CSMD1: variants seen among roughly 807,000 people sequenced by gnomAD.
The protein encoded by CSMD1 is CUB and sushi domain-containing protein 1.
A neutral mutation model predicts 417.5 loss-of-function variants in CSMD1; 213 were observed. The ratio of observed to expected loss-of-function variants is 0.51; its 90% CI spans 0.46 to 0.57. The LOEUF (loss-of-function observed/expected upper bound fraction) is 0.57, where lower values mean the gene tolerates loss of function less well. CSMD1 is among the 20% of genes least tolerant of loss of function. CSMD1 has a pLI of 0.00. For missense variants in CSMD1, 6,923 were observed against 4,529.7 expected, an observed-to-expected ratio of 1.53 and a Z score of -15.17; for synonymous variants, 2,862 against 1,736.8, an observed-to-expected ratio of 1.65 and a Z score of -16.11.
chr8:4,469,471 A>G (rs578221038), intron 2 of CSMD1, among the ~76,000 whole-genome samples: 3 of 152,194 alleles, frequency 2.0e-5, no homozygotes, highest in East Asian at 3.9e-4. Flanking sequence ...TAGAGAACCA[A>G]TTCAGATCAA....
Position 3,943,421 on chromosome 8 carries a change from A to AT in CSMD1, c.818+54481dup, listed in dbSNP as rs1563236976. ...ATGTCTTATAAGTTGTTTTTTTTTC[A>AT]TTAAAAAAAAAAAAACAGAATTCCA... On this transcript the variant is annotated intron_variant, in intron 5 of 69. Coordinates refer to ENST00000635120, the MANE Select transcript of CSMD1 (RefSeq NM_033225.6). Among the ~76,000 whole-genome samples, 6 of 51,036 alleles carry AT rather than the reference A, an allele frequency of 1.2e-4. No homozygotes were observed. The South Asian group carries it at 3.4e-3, about 29-fold the overall frequency. The allele number at this position is 51,036 out of a possible 152,430, so 33.5% of individuals were successfully genotyped here. A position where few individuals can be genotyped will look rare whatever the true frequency, so the allele number is the denominator to read the frequency against.
intron 1 of CSMD1, among the ~76,000 whole-genome samples, chr8:4,712,940 T>G (rs1383987582): frequency 6.6e-6 from 1 of 152,168 alleles, no homozygotes; most frequent in Non-Finnish European, 1.5e-5. Flanking sequence ...GTCTCGCAAT[T>G]AGAAAAAGGA....
intron 5 of CSMD1, among the ~76,000 whole-genome samples, chr8:3,833,248 G>A (rs988582989): frequency 4.6e-5 from 7 of 151,988 alleles, no homozygotes; most frequent in African/African-American, 7.2e-5. Flanking sequence ...TATTACACAT[G>A]TTGATAATAT....
intron 3 of CSMD1, among the ~76,000 whole-genome samples, chr8:4,273,995 C>A (rs1349115173): frequency 6.6e-6 from 1 of 152,082 alleles, no homozygotes; most frequent in Non-Finnish European, 1.5e-5. Flanking sequence ...TCAGTGATAA[C>A]CGCATGCATT....
At chr8:4,622,416 G>A (rs1801836085) in intron 2 of CSMD1, among the ~76,000 whole-genome samples, 1 of 152,008 alleles carries the variant, frequency 6.6e-6, no homozygotes, top group Non-Finnish European at 1.5e-5. Context: ...TACCCGATGG[G>A]GTGACAGCAA....
intron 1 of CSMD1, among the ~76,000 whole-genome samples, chr8:4,836,862 G>A (rs936644876): frequency 7.2e-5 from 11 of 152,018 alleles, no homozygotes; most frequent in African/African-American, 2.4e-4. Context: ...AAAGAAATGA[G>A]CCCAAAGCTT....
intron 3 of CSMD1, among the ~76,000 whole-genome samples, chr8:4,303,629 G>A (rs4557722): frequency 0.76 from 114,995 of 151,566 alleles, 43,677 homozygotes; most frequent in East Asian, 0.85. Context: ...TCTACCAGAG[G>A]TGACTGGGAA....
chr8:4,722,550 T>C lies in CSMD1; in HGVS notation c.86-84992A>G, dbSNP rs987753495. On this transcript the variant is annotated intron_variant, in intron 1 of 69. Transcript: ENST00000635120. ...GTATGCTCTGAATGGGGTAGAACTT[T>C]CCAAATGCATCAGATAGTTAGGAAT... 7.9e-5 allele frequency among the ~76,000 whole-genome samples: 12 copies of C among 152,100 alleles called. 1 individual carries two copies. Among genetic ancestry groups the C allele is most frequent in the Admixed American group, 5.2e-4 (8 of 15,254 alleles).
chr8:2,947,322 G>C (rs1382866299), intron 68 of CSMD1, among the ~76,000 whole-genome samples: 2 of 152,132 alleles, frequency 1.3e-5, no homozygotes, highest in South Asian at 2.1e-4. Flanking sequence ...CTACTGACTA[G>C]AGAAAATTAG....
Position 4,241,293 on chromosome 8 carries a change from T to A in CSMD1, c.415+178660A>T, listed in dbSNP as rs536778348. On this transcript the variant is annotated intron_variant, in intron 3 of 69. Coordinates refer to ENST00000635120, the MANE Select transcript of CSMD1 (RefSeq NM_033225.6). Reference sequence around the variant, plus strand: ...TAATCTCACCACAATTCATTCCCTTTACCTGCTGTAACCCCCTGGAACATA... The same window carrying A: ...TAATCTCACCACAATTCATTCCCTTAACCTGCTGTAACCCCCTGGAACATA... Among the ~76,000 whole-genome samples the A allele has an allele frequency of 2.6e-5, 4 of 152,346 alleles. No homozygotes were observed. In the South Asian group the frequency reaches 6.2e-4, roughly 24 times the overall value.
intron 17 of CSMD1, among the ~76,000 whole-genome samples, chr8:3,392,523 T>C (rs188674803): frequency 5.4e-4 from 82 of 152,188 alleles, no homozygotes; most frequent in African/African-American, 1.9e-3. Context: ...TTGGTTCCTT[T>C]AACCCTCCGT....
intron 1 of CSMD1, among the ~76,000 whole-genome samples, chr8:4,969,305 T>A (rs183587800): frequency 1.8e-4 from 27 of 152,064 alleles, no homozygotes; most frequent in African/African-American, 6.3e-4. Flanking sequence ...ATATTTTACA[T>A]AGACATTATT....
chr8:3,473,564 T>C (rs957437610), intron 11 of CSMD1, among the ~76,000 whole-genome samples: 2 of 152,224 alleles, frequency 1.3e-5, no homozygotes, highest in African/African-American at 4.8e-5. Flanking sequence ...GCAAGCAATA[T>C]TGTTGCCCTT....
At chr8:3,033,440 C>T (rs1243903178) in intron 50 of CSMD1, among the ~76,000 whole-genome samples, 2 of 151,992 alleles carry the variant, frequency 1.3e-5, no homozygotes, top group Non-Finnish European at 2.9e-5. Flanking sequence ...GACTTCAGAC[C>T]TCAAGACAAG....
chr8:3,205,261 T>C lies in CSMD1; in HGVS notation c.4984+243A>G, dbSNP rs78081786. Among the ~76,000 whole-genome samples, 426 of 152,302 alleles carry C rather than the reference T, an allele frequency of 2.8e-3. 2 individuals are homozygous for C. Among genetic ancestry groups the C allele is most frequent in the African/African-American group, 1.0e-2 (415 of 41,572 alleles). ...AAACCTAAGAAGAAAGCCAAATTAA[T>C]TCTCTCTGATTATTTCGGATCATAA... On this transcript the variant is annotated intron_variant, in intron 31 of 69. Transcript: ENST00000635120.
intron 12 of CSMD1, among the ~76,000 whole-genome samples, chr8:3,465,830 G>A (rs550638930): frequency 6.6e-6 from 1 of 152,260 alleles, no homozygotes; most frequent in East Asian, 1.9e-4. Flanking sequence ...TTTGTCTAGG[G>A]TTTGTAGTCT....
intron 28 of CSMD1, among the ~76,000 whole-genome samples, chr8:3,221,176 G>T (rs1424116083): frequency 1.3e-5 from 2 of 152,174 alleles, no homozygotes; most frequent in Non-Finnish European, 2.9e-5. Context: ...GGTACCGCCA[G>T]CATCGGTGCA....
intron 12 of CSMD1, among the ~76,000 whole-genome samples, chr8:3,429,326 A>C (rs1415272512): frequency 1.3e-5 from 2 of 152,232 alleles, no homozygotes; most frequent in Admixed American, 6.5e-5. Context: ...AGGAAATATA[A>C]AATGCAAAAA....
intron 1 of CSMD1, among the ~76,000 whole-genome samples, chr8:4,912,706 A>T (rs896647101): frequency 6.6e-6 from 1 of 152,176 alleles, no homozygotes; most frequent in African/African-American, 2.4e-5. Flanking sequence ...GGTCTAAGGG[A>T]AACAGAATAA....
Sources: allele counts gnomAD v4.1 joint callset (sites outside exome capture counted in the v4.1 genomes callset), GRCh38; gene constraint gnomAD v4.1.1; transcripts MANE v1.5; gene names NCBI Gene and HGNC (gene_info 2026-07-23, HGNC 2026-07-21).